The following PDS5B variants were observed in gnomAD, a reference collection of about 807,000 sequenced individuals.
PDS5B encodes sister chromatid cohesion protein PDS5 homolog B.
In PDS5B, 51 loss-of-function variants were observed where a neutral mutation model predicts 184.1. The observed-to-expected ratio is 0.28, with a 90% CI of 0.22 to 0.35. The LOEUF (loss-of-function observed/expected upper bound fraction) is 0.35. Ranked by LOEUF, PDS5B falls within the 10% of genes least tolerant of loss-of-function variation. The pLI, the probability that PDS5B is intolerant of heterozygous loss-of-function variation, is 1.00. For synonymous variants in PDS5B, 566 were observed against 569.2 expected (o/e 0.99, Z 0.08); for missense variants, 1,180 against 1,723.3 (o/e 0.68, Z 5.58).
At chr13:32,601,065 G>A (rs1450630113) in intron 1 of PDS5B, among the ~76,000 whole-genome samples, 2 of 152,142 alleles carry the variant, frequency 1.3e-5, no homozygotes, top group African/African-American at 4.8e-5. Flanking sequence ...TCTGCCCTAT[G>A]CTGCTGCAAA....
chr13:32,630,895 C>T (rs1158031853), intron 1 of PDS5B, among the ~76,000 whole-genome samples: 1 of 151,914 alleles, frequency 6.6e-6, no homozygotes, highest in East Asian at 1.9e-4. Flanking sequence ...AGTCATTCTC[C>T]TGCCTCAGCC....
At chr13:32,590,977 A>T (rs9591149) in intron 1 of PDS5B, among the ~76,000 whole-genome samples, 2,493 of 151,784 alleles carry the variant, frequency 0.016, 63 homozygotes, top group African/African-American at 0.056. Flanking sequence ...AAAAAAAAAA[A>T]TTTAATGATA....
At chr13:32,623,775 T>G (rs1350314247) in intron 1 of PDS5B, among the ~76,000 whole-genome samples, 2 of 152,130 alleles carry the variant, frequency 1.3e-5, no homozygotes, top group African/African-American at 2.4e-5. Context: ...CTTTTTTCTT[T>G]CTGTTAGGGA....
At chr13:32,696,591 A>G (rs1951712683) in intron 14 of PDS5B, among the ~76,000 whole-genome samples, 1 of 152,000 alleles carries the variant, frequency 6.6e-6, no homozygotes, top group Non-Finnish European at 1.5e-5. Flanking sequence ...CTGTTACAAA[A>G]TGTAGTGCAG....
chr13:32,746,227 G>T, intron 24 of PDS5B, 127 bp downstream of exon 24: 3 of 776,910 alleles, frequency 3.9e-6, no homozygotes, highest in Non-Finnish European at 6.1e-6. Flanking sequence ...AAAAATTTAT[G>T]CATGAGAAAC....
chr13:32,642,714 A>G (rs1312062330), intron 1 of PDS5B, among the ~76,000 whole-genome samples: 2 of 151,642 alleles, frequency 1.3e-5, no homozygotes, highest in African/African-American at 2.4e-5. Flanking sequence ...TCCTTCAGTC[A>G]TACTTCTGGT....
intron 1 of PDS5B, among the ~76,000 whole-genome samples, chr13:32,600,454 G>A (rs1000308610): frequency 3.9e-5 from 6 of 152,076 alleles, no homozygotes; most frequent in South Asian, 2.1e-4. Context: ...AGTCTGAGGC[G>A]TTGGCCAGGC....
chr13:32,658,813 T>A (rs1403359056), intron 5 of PDS5B, among the ~76,000 whole-genome samples: 8 of 152,194 alleles, frequency 5.3e-5, no homozygotes, highest in Admixed American at 1.3e-4. Context: ...TATGGCTATT[T>A]GAGCTTTTTG....
intron 1 of PDS5B, among the ~76,000 whole-genome samples, chr13:32,613,574 T>C (rs2058174050): frequency 6.6e-6 from 1 of 152,244 alleles, no homozygotes; most frequent in East Asian, 1.9e-4. Context: ...TTGCCCATTT[T>C]TAAATTGGGT....
At chr13:32,661,856 G>T (rs924667782) in intron 6 of PDS5B, among the ~76,000 whole-genome samples, 2 of 152,150 alleles carry the variant, frequency 1.3e-5, no homozygotes, top group South Asian at 4.1e-4. Context: ...GAGAATAAAT[G>T]AATCTTATGT....
rs148068034 is a variant in PDS5B, at chr13:32,607,150, T to G, written c.-20+20557T>G. ...AGAAGAGGTGCTCTGAGTTTTAGAA[T>G]TTTTCAGCTTTTCTGCTCTGGTTTC... On this transcript the variant is annotated intron_variant, in intron 1 of 34. Coordinates refer to ENST00000315596, the MANE Select transcript of PDS5B (RefSeq NM_015032.4). Among the ~76,000 whole-genome samples, 1,286 of 152,328 alleles carry G rather than the reference T, an allele frequency of 8.4e-3. 21 individuals carry two copies. Among genetic ancestry groups the G allele is most frequent in the African/African-American group, 0.03 (1,242 of 41,562 alleles).
intron 8 of PDS5B, among the ~76,000 whole-genome samples, chr13:32,673,946 G>C (rs1951001718): frequency 1.7e-5 from 1 of 58,962 alleles, no homozygotes; most frequent in African/African-American, 7.2e-5. Context: ...CTCCCAAGTA[G>C]CTGGGACTAC....
At chr13:32,715,639 C>CTCCCTA (rs1341248035) in intron 19 of PDS5B, among the ~76,000 whole-genome samples, 1 of 151,854 alleles carries the variant, frequency 6.6e-6, no homozygotes, top group Non-Finnish European at 1.5e-5. Flanking sequence ...CCCTCTCCCT[C>CTCCCTA]TCCCTATCCC....
intron 19 of PDS5B, among the ~76,000 whole-genome samples, chr13:32,723,333 G>T (rs1028429078): frequency 6.6e-6 from 1 of 152,168 alleles, no homozygotes; most frequent in Admixed American, 6.5e-5. Context: ...GTAGTGAGAT[G>T]CTGAGTTTTT....
chr13:32,744,825 A>T (rs971952538), intron 23 of PDS5B, among the ~76,000 whole-genome samples: 2 of 152,206 alleles, frequency 1.3e-5, no homozygotes, highest in African/African-American at 4.8e-5. Context: ...TACATGGCCA[A>T]CTAGATTATT....
intron 19 of PDS5B, among the ~76,000 whole-genome samples, chr13:32,714,455 A>G (rs1321086773): frequency 2.6e-5 from 4 of 152,190 alleles, no homozygotes; most frequent in Non-Finnish European, 4.4e-5. Flanking sequence ...ACCAAAATTT[A>G]TTAGGCAGGA....
chr13:32,629,485 G>C (rs908566714), intron 1 of PDS5B, among the ~76,000 whole-genome samples: 5 of 152,110 alleles, frequency 3.3e-5, no homozygotes, highest in African/African-American at 1.2e-4. Flanking sequence ...ATAAAAAGGG[G>C]TGGTTAAAAC....
chr13:32,689,006 A>G (rs1004750219), intron 13 of PDS5B: 3 of 167,870 alleles, frequency 1.8e-5, no homozygotes, highest in Non-Finnish European at 3.9e-5. Flanking sequence ...GCACCGTGTT[A>G]TAGTTTGACA....
intron 10 of PDS5B, among the ~76,000 whole-genome samples, chr13:32,680,804 T>C (rs1951217895): frequency 6.6e-6 from 1 of 152,214 alleles, no homozygotes; most frequent in South Asian, 2.1e-4. Flanking sequence ...TTTAAATTGT[T>C]TTTTAAGAGA....
Sources: allele counts gnomAD v4.1 joint callset (sites outside exome capture counted in the v4.1 genomes callset), GRCh38; gene constraint gnomAD v4.1.1; transcripts MANE v1.5; gene names NCBI Gene and HGNC (gene_info 2026-07-23, HGNC 2026-07-21).